The following NRSN1 variants were observed in gnomAD, a reference collection of about 807,000 sequenced individuals.
The protein encoded by NRSN1 is neurensin 1.
Under a neutral mutation model 17.3 loss-of-function variants are expected in NRSN1, and 14 were observed. The ratio of observed to expected loss-of-function variants is 0.81; its 90% confidence interval spans 0.54 to 1.27. The LOEUF (loss-of-function observed/expected upper bound fraction) is 1.27. Among genes scored for constraint, NRSN1 ranks in the 50% most tolerant of loss-of-function variants. The pLI is 0.00. For missense variants in NRSN1, 209 were observed against 235.9 expected, an observed-to-expected ratio of 0.89 and a Z score of 0.75; for synonymous variants, 79 against 94.2, an observed-to-expected ratio of 0.84 and a Z score of 0.93.
chr6:24,147,393 T>A lies in NRSN1; in HGVS notation c.*1447T>A, dbSNP rs1760325900. On this transcript the variant is annotated 3_prime_UTR_variant, in exon 4 of 4. Coordinates refer to ENST00000378491, the MANE Select transcript of NRSN1 (RefSeq NM_080723.5). Reference sequence around the variant, plus strand: ...TCCTTCACTGGATAAATAAAATATGTGAACAAGTGGAACCTGAATTGCATT... The same window carrying A: ...TCCTTCACTGGATAAATAAAATATGAGAACAAGTGGAACCTGAATTGCATT... 6.6e-6 allele frequency: 1 copy of A among 150,516 alleles called. No individual in the cohort carries two copies. The highest frequency in any genetic ancestry group is 2.4e-5 in the African/African-American group (1 of 41,172). The allele number at this position is 150,516 out of a possible 1,614,324, so 9.3% of individuals were successfully genotyped here. A position where few individuals can be genotyped will look rare whatever the true frequency, so the allele number is the denominator to read the frequency against.
chr6:24,141,043 TCG>T (rs1242712358), intron 3 of NRSN1: 1 of 1,475,484 alleles, frequency 6.8e-7, no homozygotes, highest in Non-Finnish European at 9.0e-7. Context: ...CCCTTCTCTG[TCG>T]CCATTGGGAT....
At chr6:24,135,895 T>C (rs755973802) in intron 3 of NRSN1, among the ~76,000 whole-genome samples, 2 of 152,332 alleles carry the variant, frequency 1.3e-5, no homozygotes, top group African/African-American at 2.4e-5. Flanking sequence ...GAACCTTAGA[T>C]AATGCCTAAG....
At chr6:24,142,739 G>A (rs998134376) in intron 3 of NRSN1, among the ~76,000 whole-genome samples, 12 of 152,190 alleles carry the variant, frequency 7.9e-5, no homozygotes, top group African/African-American at 2.2e-4. Flanking sequence ...GAATGAGGCC[G>A]CAGACCCTGG....
chr6:24,144,951 T>G (rs1443953290), intron 3 of NRSN1, among the ~76,000 whole-genome samples: 3 of 150,990 alleles, frequency 2.0e-5, no homozygotes, highest in Admixed American at 6.6e-5. Context: ...AAAGAAGGTT[T>G]TGTCAACTGC....
intron 2 of NRSN1, among the ~76,000 whole-genome samples, chr6:24,132,426 T>C (rs1760048637): frequency 6.6e-6 from 1 of 152,238 alleles, no homozygotes; most frequent in Non-Finnish European, 1.5e-5. Context: ...ATGCCTCTGT[T>C]GGCCTGGATT....
At chr6:24,137,658 A>C (rs1341326683) in intron 3 of NRSN1, among the ~76,000 whole-genome samples, 1 of 151,966 alleles carries the variant, frequency 6.6e-6, no homozygotes, top group Non-Finnish European at 1.5e-5. Flanking sequence ...CATTAGGTAT[A>C]TCTCCTAATG....
At chr6:24,144,445 A>C (rs1561868386) in intron 3 of NRSN1, among the ~76,000 whole-genome samples, 1 of 152,180 alleles carries the variant, frequency 6.6e-6, no homozygotes, top group Non-Finnish European at 1.5e-5. Flanking sequence ...GGGCATTGCA[A>C]TATGAGAGTG....
intron 3 of NRSN1, among the ~76,000 whole-genome samples, chr6:24,142,837 C>T (rs1760235508): frequency 6.6e-6 from 1 of 152,168 alleles, no homozygotes; most frequent in African/African-American, 2.4e-5. Flanking sequence ...ACAAAGCTTC[C>T]ACAGGGTGGA....
chr6:24,141,839 AT>A (rs1760208760), intron 3 of NRSN1, among the ~76,000 whole-genome samples: 1 of 152,190 alleles, frequency 6.6e-6, no homozygotes, highest in South Asian at 2.1e-4. Flanking sequence ...TCAGGCTGGA[AT>A]AAGAGCTGTG....
intron 3 of NRSN1, among the ~76,000 whole-genome samples, chr6:24,140,744 G>A (rs1264256259): frequency 6.6e-6 from 1 of 152,214 alleles, no homozygotes; most frequent in Non-Finnish European, 1.5e-5. Flanking sequence ...CAGCTGCGCC[G>A]CGACTGCTGC....
rs1759945817 is a variant in NRSN1, at chr6:24,126,258, G to T, written c.-165G>T. The T allele has an allele frequency of 1.1e-5, 2 of 178,260 alleles. No homozygotes were observed. Among genetic ancestry groups the T allele is most frequent in the African/African-American group, 2.4e-5 (1 of 41,532 alleles). 11.0% of individuals were successfully genotyped at this position (178,260 alleles called of 1,614,324 possible). ...GAGCTCTACGAGGCGGAGCGGCGGC[G>T]GTGGCGACGGCGATGGGACCCCAGC... On this transcript the variant is annotated 5_prime_UTR_variant, in exon 1 of 4. Transcript: ENST00000378491.
chr6:24,132,558 G>A (rs569824576), intron 2 of NRSN1, among the ~76,000 whole-genome samples: 2 of 152,168 alleles, frequency 1.3e-5, no homozygotes, highest in South Asian at 4.1e-4. Context: ...ATTTTTTTTG[G>A]AAGAAGTCTG....
Position 24,146,073 on chromosome 6 carries a change from A to C in NRSN1, c.*127A>C. The C allele has an allele frequency of 4.1e-6, 4 of 971,782 alleles. No individual in the cohort carries two copies. The highest frequency in any genetic ancestry group is 6.6e-6 in the Non-Finnish European group (4 of 601,968). The allele number at this position is 971,782 out of a possible 1,614,324, so 60.2% of individuals were successfully genotyped here. On this transcript the variant is annotated 3_prime_UTR_variant, in exon 4 of 4. Transcript: ENST00000378491. ...GCTGTGTTCAGCTGTGGGCAATATAATGGGTGGACTCACACTTGCTCAGTT... is the reference window on the plus strand; with the variant it reads ...GCTGTGTTCAGCTGTGGGCAATATACTGGGTGGACTCACACTTGCTCAGTT...
intron 2 of NRSN1, among the ~76,000 whole-genome samples, chr6:24,132,992 C>T (rs16888707): frequency 0.035 from 5,310 of 152,212 alleles, 109 homozygotes; most frequent in Middle Eastern, 0.095. Flanking sequence ...GAAATTAAGA[C>T]GATAACTGAC....
At chr6:24,130,392 C>T (rs920089942) in intron 2 of NRSN1, among the ~76,000 whole-genome samples, 1 of 152,120 alleles carries the variant, frequency 6.6e-6, no homozygotes, top group Non-Finnish European at 1.5e-5. Context: ...AAATAAGATT[C>T]CAAATAACTG....
chr6:24,146,772 T>A lies in NRSN1; in HGVS notation c.*826T>A, dbSNP rs1445000916. The A allele has an allele frequency of 6.5e-6, 1 of 154,314 alleles. No individual in the cohort carries two copies. Among genetic ancestry groups the A allele is most frequent in the Non-Finnish European group, 1.4e-5 (1 of 69,598 alleles). 9.6% of individuals were successfully genotyped at this position (154,314 alleles called of 1,614,324 possible). On this transcript the variant is annotated 3_prime_UTR_variant, in exon 4 of 4. Transcript: ENST00000378491. ...ACTTTAGAATCTTGACCAAAAAAAA[T>A]TAATTTTAGGAGCATCTATTTATGC...
intron 2 of NRSN1, among the ~76,000 whole-genome samples, chr6:24,132,319 C>T (rs1419559273): frequency 6.6e-6 from 1 of 152,154 alleles, no homozygotes; most frequent in Non-Finnish European, 1.5e-5. Flanking sequence ...ACTAACTGGC[C>T]ACATATAGGC....
intron 2 of NRSN1, among the ~76,000 whole-genome samples, chr6:24,132,935 G>A (rs993933564): frequency 6.6e-6 from 1 of 152,134 alleles, no homozygotes; most frequent in South Asian, 2.1e-4. Flanking sequence ...ATCCAAACAC[G>A]TATTTCACAT....
chr6:24,137,697 A>G (rs1760138772), intron 3 of NRSN1, among the ~76,000 whole-genome samples: 1 of 151,958 alleles, frequency 6.6e-6, no homozygotes, highest in South Asian at 2.1e-4. Flanking sequence ...CCAACCCCGC[A>G]GCAGTCCCCG....
Sources: allele counts gnomAD v4.1 joint callset (sites outside exome capture counted in the v4.1 genomes callset), GRCh38; gene constraint gnomAD v4.1.1; transcripts MANE v1.5; gene names NCBI Gene and HGNC (gene_info 2026-07-23, HGNC 2026-07-21).